POLH: variants seen among roughly 807,000 people sequenced by gnomAD.
The protein encoded by POLH is DNA polymerase eta.
POLH carries 53 observed loss-of-function variants against 73.6 expected under a neutral mutation model. That is an observed-to-expected ratio of 0.72 (90% CI 0.58 to 0.91). The LOEUF is 0.91. Ranked by LOEUF, POLH falls within the 40% of genes least tolerant of loss-of-function variation. The pLI, the probability that POLH is intolerant of heterozygous loss-of-function variation, is 0.00. For missense variants in POLH, 768 were observed against 865.4 expected, an observed-to-expected ratio of 0.89 and a Z score of 1.41; for synonymous variants, 292 against 308.5, an observed-to-expected ratio of 0.95 and a Z score of 0.56.
rs1768263971 is a variant in POLH, at chr6:43,615,505, A to C, written c.*948A>C. On this transcript the variant is annotated 3_prime_UTR_variant, in exon 11 of 11. Transcript: ENST00000372236. ...AGGAGGCAGAGGTTGGAGTGAGCTG[A>C]GATCGCGCCACCGCACTCCAGCCTG... is the stretch of plus-strand genomic sequence containing the variant. 1 of 151,778 alleles carries C rather than the reference A, an allele frequency of 6.6e-6. No individual in the cohort carries two copies. The highest frequency in any genetic ancestry group is 1.5e-5 in the Non-Finnish European group (1 of 68,008). The allele number at this position is 151,778 out of a possible 1,614,324, so 9.4% of individuals were successfully genotyped here.
At chr6:43,588,128 A>T (rs1353367841) in intron 4 of POLH, 1 of 160,638 alleles carries the variant, frequency 6.2e-6, no homozygotes, top group Non-Finnish European at 1.4e-5. Context: ...TTCTTCATAT[A>T]TAAGAAGGGT....
chr6:43,615,686 A>AT lies in POLH; in HGVS notation c.*1134dup, dbSNP rs70990201. 1.0e-4 allele frequency: 15 copies of AT among 150,594 alleles called. No homozygotes were observed. The highest frequency in any genetic ancestry group is 2.0e-4 in the Admixed American group (3 of 15,130). 9.3% of individuals were successfully genotyped at this position (150,594 alleles called of 1,614,324 possible). On this transcript the variant is annotated 3_prime_UTR_variant, in exon 11 of 11. Transcript: ENST00000372236. The stretch of plus-strand genomic sequence containing the variant: ...GGGATTATTTTTATTTTTATTTTTT[A>AT]TTTTTGAGACGGAGTCTCCCTCTGT...
rs777500088 is a variant in POLH, at chr6:43,604,658, G to T, written c.928G>T (p.Val310Phe). The change falls in exon 8 of 11, where the codon GTT becomes TTT. Residue 310 changes from valine (V) to phenylalanine (F), a missense_variant. Coordinates refer to ENST00000372236, the MANE Select transcript of POLH (RefSeq NM_006502.3). ...AMCRGIEHDP[V>F]KPRQLPKTIG... Reference sequence around the variant, plus strand: ...GTGCCGAGGGATTGAACATGATCCAGTTAAACCCAGGCAACTACCCAAAAC... The same window carrying T: ...GTGCCGAGGGATTGAACATGATCCATTTAAACCCAGGCAACTACCCAAAAC... 6.2e-6 allele frequency: 10 copies of T among 1,613,986 alleles called. No homozygotes were observed. The highest frequency in any genetic ancestry group is 8.5e-6 in the Non-Finnish European group (10 of 1,179,950).
intron 9 of POLH, among the ~76,000 whole-genome samples, chr6:43,606,111 A>G (rs1767254724): frequency 6.6e-6 from 1 of 152,092 alleles, no homozygotes; most frequent in Non-Finnish European, 1.5e-5. Flanking sequence ...AATGGTTACT[A>G]TAGTGTAGCA....
chr6:43,589,129 T>C lies in POLH; in HGVS notation c.490+1640T>C, dbSNP rs538764882. ...CTGGGATTACAGGTGTGAGCCACCG[T>C]GCCCGGCCTTCATTCTTTTTCTTAA... On this transcript the variant is annotated intron_variant, in intron 4 of 10. Transcript: ENST00000372236. 1.1e-4 allele frequency among the ~76,000 whole-genome samples: 16 copies of C among 152,294 alleles called. No homozygotes were observed. The South Asian group carries it at 2.7e-3, about 26-fold the overall frequency.
At chr6:43,600,668 TTC>T (rs1200693320) in intron 5 of POLH, among the ~76,000 whole-genome samples, 1 of 152,204 alleles carries the variant, frequency 6.6e-6, no homozygotes, top group African/African-American at 2.4e-5. Context: ...TTGCTTGAGT[TTC>T]TCCTGCAGTT....
At chr6:43,599,847 G>A (rs1262175763) in intron 5 of POLH, among the ~76,000 whole-genome samples, 4 of 151,566 alleles carry the variant, frequency 2.6e-5, no homozygotes, top group African/African-American at 7.3e-5. Context: ...TACCATTGAA[G>A]TGCTTTTACT....
In POLH at chr6:43,614,186, A is replaced by G. The variant is rs55682447; in HGVS notation, c.1771A>G (p.Thr591Ala). Residue 591 changes from threonine to alanine, a missense_variant, in exon 11 of 11, where the codon ACT becomes GCT. Coordinates refer to ENST00000372236, the MANE Select transcript of POLH (RefSeq NM_006502.3). ...VSKLEESSKA[T>A]PAEMDLAHNS... ...GAAGCTAGAAGAATCCTCTAAAGCA[A>G]CTCCTGCAGAGATGGATTTGGCCCA... 1 of 1,613,624 alleles carries G rather than the reference A, an allele frequency of 6.2e-7. No homozygotes were observed. The highest frequency in any genetic ancestry group is 8.5e-7 in the Non-Finnish European group (1 of 1,179,634).
rs1370115480 is a variant in POLH at position 43,597,816 on chromosome 6, T to C, written c.611T>C (p.Ile204Thr). The change falls in exon 5 of 11, where the codon ATA (isoleucine) becomes ACA (threonine). Residue 204 changes from isoleucine (I) to threonine (T), a missense_variant. By Grantham distance (89) the Ile-to-Thr change is moderately conservative. Transcript: ENST00000372236. Reference protein sequence around the residue: ...AVIVEEMRAAIERETGFQCSA... With the variant: ...AVIVEEMRAATERETGFQCSA... ...ATTGTGGAGGAAATGAGAGCAGCCA[T>C]AGAGAGGGAGACTGGTTTTCAGTGT... The C allele has an allele frequency of 1.2e-6, 2 of 1,613,666 alleles. No homozygotes were observed.
At chr6:43,584,845 G>A (rs903868051) in intron 3 of POLH, among the ~76,000 whole-genome samples, 3 of 152,024 alleles carry the variant, frequency 2.0e-5, no homozygotes, top group African/African-American at 7.2e-5. Flanking sequence ...GGGATATTAC[G>A]AAGGATACAG....
At chr6:43,586,353 C>T (rs1480706615) in intron 3 of POLH, among the ~76,000 whole-genome samples, 2 of 152,064 alleles carry the variant, frequency 1.3e-5, no homozygotes, top group East Asian at 1.9e-4. Context: ...TGGTGGCAGG[C>T]GCCTGTAATC....
intron 9 of POLH, 105 bp downstream of exon 9, chr6:43,605,424 G>T: frequency 1.6e-6 from 1 of 617,690 alleles, no homozygotes; most frequent in Non-Finnish European, 3.0e-6. Flanking sequence ...TATTAGCATA[G>T]GAAATATCCG....
chr6:43,597,773 C>T lies in POLH; in HGVS notation c.568C>T (p.Leu190Phe), dbSNP rs1311473104. The change falls in exon 5 of 11, where the codon CTC (leucine) becomes TTC (phenylalanine). Residue 190 changes from leucine (L) to phenylalanine (F), a missense_variant. Transcript: ENST00000372236. ...TAACCTCACCTCTCCAGACCTGCAG[C>T]TCACCGTGGGAGCAGTGATTGTGGA... is the stretch of plus-strand genomic sequence containing the variant. ...IDNLTSPDLQ[L>F]TVGAVIVEEM... The T allele has an allele frequency of 1.2e-6, 2 of 1,613,730 alleles. No individual in the cohort carries two copies. The highest frequency in any genetic ancestry group is 4.5e-5 in the East Asian group (2 of 44,882).
chr6:43,599,245 T>TC (rs746128343), intron 5 of POLH, among the ~76,000 whole-genome samples: 46 of 152,200 alleles, frequency 3.0e-4, no homozygotes, highest in Admixed American at 7.9e-4. Context: ...CACCTCGGCC[T>TC]CCCAAAGTGC....
intron 4 of POLH, among the ~76,000 whole-genome samples, chr6:43,592,491 A>C (rs1387461779): frequency 1.4e-5 from 2 of 147,768 alleles, no homozygotes; most frequent in African/African-American, 2.5e-5. Flanking sequence ...GGCTCACTGC[A>C]ATCTCCACCT....
At chr6:43,580,942 T>C (rs1764082679) in intron 1 of POLH, among the ~76,000 whole-genome samples, 2 of 143,438 alleles carry the variant, frequency 1.4e-5, no homozygotes, top group African/African-American at 5.2e-5. Context: ...GGCGGGGGGC[T>C]GACCCCCCCA....
intron 4 of POLH, among the ~76,000 whole-genome samples, chr6:43,595,404 A>C (rs1056139005): frequency 6.6e-6 from 1 of 151,132 alleles, no homozygotes; most frequent in Non-Finnish European, 1.5e-5. Flanking sequence ...CAAAGTGCTG[A>C]GATTACAGAC....
At chr6:43,611,701 T>C (rs561863404) in intron 10 of POLH, among the ~76,000 whole-genome samples, 1 of 152,314 alleles carries the variant, frequency 6.6e-6, no homozygotes, top group Non-Finnish European at 1.5e-5. Context: ...TTATTACTTA[T>C]CTAAATATAT....
At chr6:43,578,474 C>T (rs1456545562) in intron 1 of POLH, 1 of 433,002 alleles carries the variant, frequency 2.3e-6, no homozygotes. Flanking sequence ...AGTCAAATAT[C>T]AGTAGTATTT....
Sources: gnomAD v4.1 joint callset for allele counts (sites outside exome capture counted in the v4.1 genomes callset) on GRCh38, gnomAD v4.1.1 for gene constraint, MANE v1.5 for transcripts, NCBI Gene and HGNC (gene_info 2026-07-23, HGNC 2026-07-21) for gene names.